NAV3: variants seen among roughly 807,000 people sequenced by gnomAD.
NAV3 encodes the protein pore membrane and/or filament interacting like protein 1.
NAV3 carries 87 observed loss-of-function variants against 244.7 expected under a neutral mutation model. The ratio of observed to expected loss-of-function variants is 0.36; its 90% CI spans 0.30 to 0.42. NAV3 has a LOEUF of 0.42. NAV3 is among the 20% of genes least tolerant of loss of function. The pLI is 1.00. For missense variants in NAV3, 2,663 were observed against 2,893.3 expected (o/e 0.92, Z 1.83); for synonymous variants, 1,126 against 1,042.2 (o/e 1.08, Z -1.55).
intron 18 of NAV3, among the ~76,000 whole-genome samples, chr12:78,135,549 A>G (rs183397012): frequency 6.6e-6 from 1 of 152,186 alleles, no homozygotes; most frequent in South Asian, 2.1e-4. Flanking sequence ...ATATCCTCCT[A>G]ACCCTATAGA....
chr12:77,687,743 C>T (rs1874822570), intron 2 of NAV3, among the ~76,000 whole-genome samples: 1 of 152,006 alleles, frequency 6.6e-6, no homozygotes, highest in African/African-American at 2.4e-5. Context: ...GTTCCATAAG[C>T]CTCTCTCTAC....
intron 4 of NAV3, among the ~76,000 whole-genome samples, chr12:77,967,797 G>A (rs941685752): frequency 6.6e-5 from 10 of 151,786 alleles, no homozygotes; most frequent in African/African-American, 2.4e-4. Flanking sequence ...GTTAGAACAA[G>A]GATTTCTGCT....
At chr12:77,878,489 A>G (rs1882159466) in intron 1 of NAV3, among the ~76,000 whole-genome samples, 1 of 152,102 alleles carries the variant, frequency 6.6e-6, no homozygotes, top group African/African-American at 2.4e-5. Flanking sequence ...TCGGCCTCCC[A>G]AAGTGCTGGG....
At chr12:77,598,277 G>A (rs2136755257) in intron 2 of NAV3, among the ~76,000 whole-genome samples, 2 of 152,154 alleles carry the variant, frequency 1.3e-5, no homozygotes, top group South Asian at 4.1e-4. Flanking sequence ...TGAAATGGCT[G>A]AATAATCTTT....
chr12:77,609,964 C>T (rs1870839616), intron 2 of NAV3, among the ~76,000 whole-genome samples: 1 of 152,002 alleles, frequency 6.6e-6, no homozygotes, highest in Non-Finnish European at 1.5e-5. Flanking sequence ...ATGATTAGTA[C>T]AATCATTGGG....
chr12:77,724,223 A>G (rs1851084), intron 2 of NAV3, among the ~76,000 whole-genome samples: 104,040 of 151,732 alleles, frequency 0.69, 37,725 homozygotes, highest in East Asian at 0.89. Context: ...GGCTGTGACC[A>G]TATATGTGGG....
intron 9 of NAV3, among the ~76,000 whole-genome samples, chr12:78,025,115 C>G (rs1877806421): frequency 6.6e-6 from 1 of 152,134 alleles, no homozygotes; most frequent in Non-Finnish European, 1.5e-5. Flanking sequence ...CTTTTAGCCC[C>G]ACTTCTCCAC....
At chr12:78,157,172 A>G (rs1302250028) in intron 22 of NAV3, among the ~76,000 whole-genome samples, 1 of 152,112 alleles carries the variant, frequency 6.6e-6, no homozygotes, top group Non-Finnish European at 1.5e-5. Context: ...TGGTGAATGC[A>G]TGAATGTTCA....
chr12:77,590,079 C>A (rs940054594), intron 2 of NAV3, among the ~76,000 whole-genome samples: 2 of 152,114 alleles, frequency 1.3e-5, no homozygotes, highest in South Asian at 4.2e-4. Context: ...TAAAACATAA[C>A]CTTAAACCTC....
intron 24 of NAV3, among the ~76,000 whole-genome samples, chr12:78,171,667 G>GA (rs1192377171): frequency 2.6e-5 from 4 of 151,404 alleles, no homozygotes; most frequent in Non-Finnish European, 4.4e-5. Context: ...ACATTACATG[G>GA]AAAAAATAGT....
intron 2 of NAV3, among the ~76,000 whole-genome samples, chr12:77,767,986 A>G (rs1869867383): frequency 6.6e-6 from 1 of 152,184 alleles, no homozygotes; most frequent in Non-Finnish European, 1.5e-5. Flanking sequence ...GAAGTGCTTT[A>G]TTGAGCAACA....
Position 77,699,518 on chromosome 12 carries a change from G to A in NAV3, c.72+127252G>A, listed in dbSNP as rs369231128. On this transcript the variant is annotated intron_variant, in intron 2 of 8. Coordinates refer to the NAV3 transcript ENST00000550042. ...TGTCTCTATGATATCTGGGGCCTAA[G>A]CTGAAAAGACTTGAAAGGCAGGAGT... Among the ~76,000 whole-genome samples the A allele has an allele frequency of 9.0e-4, 137 of 152,210 alleles. 4 individuals are homozygous for A. The South Asian group carries it at 0.026, about 29-fold the overall frequency.
Position 77,685,483 on chromosome 12 carries a change from A to ACG in NAV3, c.72+113218_72+113219insGC, listed in dbSNP as rs1874685023. ...CCAACGCATACACATGCACACACAC[A>ACG]CACACACACACACACACACACACAT... On this transcript the variant is annotated intron_variant, in intron 2 of 8. Coordinates refer to the NAV3 transcript ENST00000550042. Among the ~76,000 whole-genome samples, 11 of 81,024 alleles carry ACG rather than the reference A, an allele frequency of 1.4e-4. No individual in the cohort carries two copies. In the Admixed American group the frequency reaches 1.7e-3, roughly 13 times the overall value. 53.2% of individuals were successfully genotyped at this position (81,024 alleles called of 152,430 possible).
chr12:77,852,581 T>C (rs189449494), intron 1 of NAV3, among the ~76,000 whole-genome samples: 1 of 151,318 alleles, frequency 6.6e-6, no homozygotes, highest in Admixed American at 6.6e-5. Flanking sequence ...ATAAATAATG[T>C]TATACTTATG....
intron 2 of NAV3, among the ~76,000 whole-genome samples, chr12:77,759,887 A>T (rs1382044782): frequency 6.6e-6 from 1 of 152,232 alleles, no homozygotes; most frequent in East Asian, 1.9e-4. Flanking sequence ...TCTGTATCAT[A>T]ACTTTGGTTG....
At chr12:77,719,502 T>G (rs1484242121) in intron 2 of NAV3, among the ~76,000 whole-genome samples, 1 of 151,978 alleles carries the variant, frequency 6.6e-6, no homozygotes, top group East Asian at 1.9e-4. Flanking sequence ...GTACACTGAG[T>G]GTTTTTATGA....
At chr12:77,855,083 C>T (rs1000108131) in intron 1 of NAV3, among the ~76,000 whole-genome samples, 6 of 152,074 alleles carry the variant, frequency 3.9e-5, no homozygotes, top group African/African-American at 7.2e-5. Flanking sequence ...GCTGAGATCG[C>T]GCCACTGCCC....
chr12:78,088,140 A>T (rs556066248), intron 12 of NAV3, among the ~76,000 whole-genome samples: 1 of 151,650 alleles, frequency 6.6e-6, no homozygotes, highest in Admixed American at 6.6e-5. Context: ...TCCACTTAAC[A>T]TAATGGTTTT....
At chr12:77,655,815 A>G (rs1873072057) in intron 2 of NAV3, among the ~76,000 whole-genome samples, 2 of 152,100 alleles carry the variant, frequency 1.3e-5, no homozygotes, top group South Asian at 4.1e-4. Flanking sequence ...ACATTCTTAA[A>G]GAAAAGAATT....
Sources: gnomAD v4.1 joint callset for allele counts (sites outside exome capture counted in the v4.1 genomes callset) on GRCh38, gnomAD v4.1.1 for gene constraint, MANE v1.5 for transcripts, NCBI Gene and HGNC (gene_info 2026-07-23, HGNC 2026-07-21) for gene names.